Variants in TSPAN31 observed in about 807,000 individuals in gnomAD.
TSPAN31 encodes the protein tetraspanin-31.
A neutral mutation model predicts 24.8 loss-of-function variants in TSPAN31; 16 were observed. That is an observed-to-expected ratio of 0.64 (90% CI 0.44 to 0.98). The LOEUF is 0.98. Among genes scored for constraint, TSPAN31 ranks in the 50% least tolerant of loss-of-function variants. TSPAN31 has a pLI of 0.00. For missense variants in TSPAN31, 209 were observed against 251.6 expected (o/e 0.83, Z 1.15); for synonymous variants, 87 against 91.4 (o/e 0.95, Z 0.27).
rs1955210825 is a variant in TSPAN31, at chr12:57,749,783, G to A, written c.*2493G>A. On this transcript the variant is annotated 3_prime_UTR_variant, in exon 6 of 6. Transcript: ENST00000257910. The stretch of plus-strand genomic sequence containing the variant: ...GGAGTCTGATGTGGGTGGATCATGA[G>A]GTCAAGAGATCGAGACCATCCTGGC... 4.0e-6 allele frequency: 2 copies of A among 498,900 alleles called. No individual in the cohort carries two copies. Among genetic ancestry groups the A allele is most frequent in the African/African-American group, 1.9e-5 (1 of 51,670 alleles). The allele number at this position is 498,900 out of a possible 1,614,324, so 30.9% of individuals were successfully genotyped here.
In TSPAN31 at chr12:57,747,036, C is replaced by T. The variant is rs776811811; in HGVS notation, c.463C>T (p.Pro155Ser). The change falls in exon 5 of 6, where the codon CCC becomes TCC. Residue 155 changes from proline to serine, a missense_variant. Pro to Ser is a moderately conservative substitution (Grantham distance 74). Coordinates refer to ENST00000257910, the MANE Select transcript of TSPAN31 (RefSeq NM_005981.5). Reference protein sequence around the residue: ...FCTAICKSQSPTCQMCGEKFL... With the variant: ...FCTAICKSQSSTCQMCGEKFL... ...TCCTCAGATCTGCAAGAGCCAGAGC[C>T]CCACATGCCAGATGTGTGGAGAAAA... 2 of 1,614,142 alleles carry T rather than the reference C, an allele frequency of 1.2e-6. No individual in the cohort carries two copies. The highest frequency in any genetic ancestry group is 2.2e-5 in the East Asian group (1 of 44,890).
intron 2 of TSPAN31, 34 bp from the exon 3 acceptor site, chr12:57,746,142 A>C: frequency 6.3e-7 from 1 of 1,579,542 alleles, no homozygotes; most frequent in East Asian, 2.2e-5. Context: ...ACATAAAGGA[A>C]TCTAGGACTT....
rs576389519 is a variant in TSPAN31, at chr12:57,749,544, A to G, written c.*2254A>G. 6.8e-5 allele frequency: 108 copies of G among 1,591,234 alleles called. 1 individual carries two copies. In the South Asian group the frequency reaches 1.1e-3, roughly 16 times the overall value. On this transcript the variant is annotated 3_prime_UTR_variant, in exon 6 of 6. Transcript: ENST00000257910. ...GATATAAGGTAGCAGTCATTTTCAA[A>G]GATATCTTAGTTGAATGGTTACTGC...
chr12:57,746,216 T>A lies in TSPAN31; in HGVS notation c.272T>A (p.Val91Glu). ...GGTTTGGTCTTCATCTTCCAATTTG[T>A]AATCTCTTGCTCATGTCTGGCTATT... ...ILGLVFIFQF[V>E]ISCSCLAINR... The change falls in exon 3 of 6, where the codon GTA becomes GAA. Residue 91 changes from valine to glutamate, a missense_variant. Val to Glu is a moderately radical substitution (Grantham distance 121, BLOSUM62 -2). Transcript: ENST00000257910. 3 of 1,614,206 alleles carry A rather than the reference T, an allele frequency of 1.9e-6. No homozygotes were observed. The highest frequency in any genetic ancestry group is 2.5e-6 in the Non-Finnish European group (3 of 1,180,018).
At position 57,745,910 on chromosome 12, in the gene TSPAN31, T is replaced by G. The variant is rs777244949; in HGVS notation, c.229T>G (p.Phe77Val). ...CAACCACCACCAAGTCCTGCTGTTCTTTGTATCCTGACCTGAAGTGATGGG... is the reference window on the plus strand; with the variant it reads ...CAACCACCACCAAGTCCTGCTGTTCGTTGTATCCTGACCTGAAGTGATGGG... Reference protein sequence around the residue: ...AVNHHQVLLFFYMIILGLVFI... With the variant: ...AVNHHQVLLFVYMIILGLVFI... Residue 77 changes from phenylalanine (F) to valine (V), a missense_variant and splice_region_variant, in exon 2 of 6, where the codon TTT becomes GTT. Phe to Val is a conservative substitution (Grantham distance 50). Transcript: ENST00000257910. 33 of 1,600,810 alleles carry G rather than the reference T, an allele frequency of 2.1e-5. No individual in the cohort carries two copies. Among genetic ancestry groups the G allele is most frequent in the Non-Finnish European group, 2.7e-5 (32 of 1,174,078 alleles).
chr12:57,746,018 TTGCCC>T, intron 2 of TSPAN31, 106 bp downstream of exon 2: 1 of 1,470,374 alleles, frequency 6.8e-7, no homozygotes, highest in Non-Finnish European at 9.2e-7. Context: ...ACACGTCTCC[TTGCCC>T]TGCCCTGTCC....
rs1272293198 is a variant in TSPAN31 at position 57,747,665 on chromosome 12, G to A, written c.*375G>A. 3 of 180,826 alleles carry A rather than the reference G, an allele frequency of 1.7e-5. No individual in the cohort carries two copies. The highest frequency in any genetic ancestry group is 2.3e-5 in the Non-Finnish European group (2 of 86,802). 11.2% of individuals were successfully genotyped at this position (180,826 alleles called of 1,614,324 possible). Reference sequence around the variant, plus strand: ...ATAGGGCCAAGGAGAAAACAACCAAGAACTCTTTCCTGTAATAAGCAGGAT... The same window carrying A: ...ATAGGGCCAAGGAGAAAACAACCAAAAACTCTTTCCTGTAATAAGCAGGAT... On this transcript the variant is annotated 3_prime_UTR_variant, in exon 6 of 6. Coordinates refer to ENST00000257910, the MANE Select transcript of TSPAN31 (RefSeq NM_005981.5).
chr12:57,745,380 A>T, intron 1 of TSPAN31, 163 bp downstream of exon 1: 2 of 693,338 alleles, frequency 2.9e-6, no homozygotes, highest in Admixed American at 3.0e-5. Context: ...GAGAGAGGAG[A>T]CTTCCGGTTG....
In TSPAN31 at chr12:57,747,305, C is replaced by G; in HGVS notation, c.*15C>G. 6.2e-7 allele frequency: 1 copy of G among 1,611,972 alleles called. No homozygotes were observed. The highest frequency in any genetic ancestry group is 1.1e-5 in the South Asian group (1 of 91,032). On this transcript the variant is annotated 3_prime_UTR_variant, in exon 6 of 6. Transcript: ENST00000257910. ...CCTTTCTATGAGACTTTGGATCCTT[C>G]TGACTTTTCTTCTGCTCTCTCTAAG... is the stretch of plus-strand genomic sequence containing the variant.
At chr12:57,746,948 A>G in intron 4 of TSPAN31, 70 bp from the exon 5 acceptor site, 1 of 1,448,610 alleles carries the variant, frequency 6.9e-7, no homozygotes, top group Middle Eastern at 1.8e-4. Context: ...TTCTAGGGAC[A>G]TTCGGCATAG....
Position 57,745,205 on chromosome 12 carries a change from C to A in TSPAN31, c.51C>A (p.Asn17Lys). ...CCAAGAATGCGCTTTGCGCTCTCAA[C>A]GTGGTCTACATGGTGAGGTTTTGGA... ...ACSKNALCAL[N>K]VVYMLVSLLL... Residue 17 changes from asparagine to lysine, a missense_variant, in exon 1 of 6, where the codon AAC becomes AAA. Asn to Lys is a moderately conservative substitution (Grantham distance 94). Coordinates refer to ENST00000257910, the MANE Select transcript of TSPAN31 (RefSeq NM_005981.5). 3 of 1,609,664 alleles carry A rather than the reference C, an allele frequency of 1.9e-6. No homozygotes were observed. The highest frequency in any genetic ancestry group is 2.5e-6 in the Non-Finnish European group (3 of 1,177,986).
intron 3 of TSPAN31, 136 bp downstream of exon 3, chr12:57,746,392 C>G (rs757692297): frequency 8.8e-7 from 1 of 1,139,274 alleles, no homozygotes; most frequent in Admixed American, 1.8e-5. Flanking sequence ...GGGCTATTTG[C>G]TTCCTCTGGG....
chr12:57,748,948 C>G lies in TSPAN31; in HGVS notation c.*1658C>G. 1 of 594,200 alleles carries G rather than the reference C, an allele frequency of 1.7e-6. No individual in the cohort carries two copies. Among genetic ancestry groups the G allele is most frequent in the Non-Finnish European group, 3.0e-6 (1 of 335,960 alleles). The allele number at this position is 594,200 out of a possible 1,614,324, so 36.8% of individuals were successfully genotyped here. ...CTCGAACTCCTGACCTCAGGTGATACGCCCACCTTGGCCTCCCAAAGTGCT... is the reference window on the plus strand; with the variant it reads ...CTCGAACTCCTGACCTCAGGTGATAGGCCCACCTTGGCCTCCCAAAGTGCT... On this transcript the variant is annotated 3_prime_UTR_variant, in exon 6 of 6. Coordinates refer to ENST00000257910, the MANE Select transcript of TSPAN31 (RefSeq NM_005981.5).
In TSPAN31 at chr12:57,747,371, C is replaced by T. The variant is rs1348587652; in HGVS notation, c.*81C>T. On this transcript the variant is annotated 3_prime_UTR_variant, in exon 6 of 6. Coordinates refer to ENST00000257910, the MANE Select transcript of TSPAN31 (RefSeq NM_005981.5). ...TTAGGGAATATCTAGGGTCTGTAACCGTTTTGGTTTGAGAAAAAGGAAAGG... is the reference window on the plus strand; with the variant it reads ...TTAGGGAATATCTAGGGTCTGTAACTGTTTTGGTTTGAGAAAAAGGAAAGG... The T allele has an allele frequency of 3.6e-6, 5 of 1,370,098 alleles. No homozygotes were observed. Among genetic ancestry groups the T allele is most frequent in the Middle Eastern group, 3.9e-4 (2 of 5,182 alleles). The allele number at this position is 1,370,098 out of a possible 1,614,324, so 84.9% of individuals were successfully genotyped here.
In TSPAN31 at chr12:57,747,102, G is replaced by C; in HGVS notation, c.529G>C (p.Gly177Arg). 1.2e-6 allele frequency: 2 copies of C among 1,614,126 alleles called. No individual in the cohort carries two copies. Among genetic ancestry groups the C allele is most frequent in the Non-Finnish European group, 1.7e-6 (2 of 1,179,988 alleles). Residue 177 changes from glycine (G) to arginine (R), a missense_variant, in exon 5 of 6, where the codon GGT becomes CGT. Physicochemically the swap from Gly to Arg is moderately radical, Grantham distance 125. Coordinates refer to ENST00000257910, the MANE Select transcript of TSPAN31 (RefSeq NM_005981.5). ...AGACGAAGCCCTGAAAATCCTAGGG[G>C]GTGTTGGACTCTTCTTTAGCTTTAC... The part of the protein sequence containing the change: ...HSDEALKILG[G>R]VGLFFSFTEI...
At chr12:57,746,407 C>T (rs1461016979) in intron 3 of TSPAN31, 151 bp downstream of exon 3, 1 of 1,129,724 alleles carries the variant, frequency 8.9e-7, no homozygotes, top group Admixed American at 1.8e-5. Flanking sequence ...TCTGGGATGT[C>T]TGGTTAATTT....
At chr12:57,745,246 A>C (rs1199450116) in intron 1 of TSPAN31, 29 bp downstream of exon 1, 9 of 1,602,258 alleles carry the variant, frequency 5.6e-6, no homozygotes, top group Non-Finnish European at 7.7e-6. Flanking sequence ...GGGAAGCTTC[A>C]AGGCGGAAAG....
Position 57,746,626 on chromosome 12 carries a change from A to T in TSPAN31, c.350A>T (p.Asn117Ile). Residue 117 changes from asparagine (N) to isoleucine (I), a missense_variant, in exon 4 of 6, where the codon AAC (asparagine) becomes ATC (isoleucine). Physicochemically the swap from Asn to Ile is moderately radical, Grantham distance 149 (BLOSUM62 -3). Transcript: ENST00000257910. The part of the protein sequence containing the change: ...VINASWWVMS[N>I]KTRDELERSF... Reference sequence around the variant, plus strand: ...AATGCTTCTTGGTGGGTCATGAGCAACAAGACTCGGGATGAACTGGAAAGA... The same window carrying T: ...AATGCTTCTTGGTGGGTCATGAGCATCAAGACTCGGGATGAACTGGAAAGA... The T allele has an allele frequency of 6.2e-7, 1 of 1,614,212 alleles. No individual in the cohort carries two copies. Among genetic ancestry groups the T allele is most frequent in the Non-Finnish European group, 8.5e-7 (1 of 1,180,046 alleles).
Position 57,749,495 on chromosome 12 carries a change from G to A in TSPAN31, c.*2205G>A, listed in dbSNP as rs755091270. 1 of 1,614,168 alleles carries A rather than the reference G, an allele frequency of 6.2e-7. No homozygotes were observed. Among genetic ancestry groups the A allele is most frequent in the Non-Finnish European group, 8.5e-7 (1 of 1,179,974 alleles). Reference sequence around the variant, plus strand: ...ACTGGTCGGCTTCAGAGTTTCCACAGAAGAGAGGCCTAAGGTGAGAAGGGA... The same window carrying A: ...ACTGGTCGGCTTCAGAGTTTCCACAAAAGAGAGGCCTAAGGTGAGAAGGGA... On this transcript the variant is annotated 3_prime_UTR_variant, in exon 6 of 6. Coordinates refer to ENST00000257910, the MANE Select transcript of TSPAN31 (RefSeq NM_005981.5).
Sources: gnomAD v4.1 joint callset for allele counts on GRCh38, gnomAD v4.1.1 for gene constraint, MANE v1.5 for transcripts, NCBI Gene and HGNC (gene_info 2026-07-23, HGNC 2026-07-21) for gene names.